Variants in BICC1 observed in about 807,000 individuals in gnomAD.
BICC1 encodes protein bicaudal C homolog 1.
A neutral mutation model predicts 111.0 loss-of-function variants in BICC1; 43 were observed. The observed-to-expected ratio is 0.39, with a 90% CI of 0.30 to 0.50. The LOEUF (loss-of-function observed/expected upper bound fraction) is 0.50, where lower values mean the gene tolerates loss of function less well. BICC1 is among the 20% of genes least tolerant of loss of function. The probability of loss-of-function intolerance (pLI) is 0.88; values close to 1 mark genes in which losing one functional copy is unlikely to be tolerated. For missense variants in BICC1, 1,091 were observed against 1,203.2 expected (o/e 0.91, Z 1.38); for synonymous variants, 467 against 434.4 (o/e 1.07, Z -0.93).
intron 1 of BICC1, among the ~76,000 whole-genome samples, chr10:58,537,359 T>A (rs1333312622): frequency 2.1e-5 from 1 of 46,600 alleles, no homozygotes; most frequent in Admixed American, 4.4e-4. Context: ...AAAAAAAAAA[T>A]CATGATGAAG....
chr10:58,796,419 G>T lies in BICC1; in HGVS notation c.1259G>T (p.Ser420Ile). 2.5e-6 allele frequency: 4 copies of T among 1,614,130 alleles called. No homozygotes were observed. Among genetic ancestry groups the T allele is most frequent in the Non-Finnish European group, 3.4e-6 (4 of 1,180,010 alleles). Residue 420 changes from serine (S) to isoleucine (I), a missense_variant, in exon 10 of 21, where the codon AGT (serine) becomes ATT (isoleucine). Ser to Ile is a moderately radical substitution (Grantham distance 142). This residue lies in a region of BICC1 where 843 missense variants were observed against 900.8 expected (regional missense o/e 0.94). Coordinates refer to ENST00000373886, the MANE Select transcript of BICC1 (RefSeq NM_001080512.3). The part of the protein sequence containing the change: ...ARKCLLGLES[S>I]GVTIATSPSP... ...AAATGTCTCCTCGGACTTGAAAGCAGTGGGGTTACCATAGCAACCAGTCCA... is the reference window on the plus strand; with the variant it reads ...AAATGTCTCCTCGGACTTGAAAGCATTGGGGTTACCATAGCAACCAGTCCA...
At chr10:58,591,947 G>T (rs943761066) in intron 1 of BICC1, among the ~76,000 whole-genome samples, 4 of 152,182 alleles carry the variant, frequency 2.6e-5, no homozygotes, top group African/African-American at 7.2e-5. Flanking sequence ...TTCTCAAGTG[G>T]TGTTGTTTAT....
At chr10:58,704,775 C>T (rs928890235) in intron 3 of BICC1, among the ~76,000 whole-genome samples, 1 of 152,084 alleles carries the variant, frequency 6.6e-6, no homozygotes, top group African/African-American at 2.4e-5. Context: ...ACACATAATC[C>T]CCAGGCTGAG....
At chr10:58,731,001 T>C (rs1241674339) in intron 3 of BICC1, among the ~76,000 whole-genome samples, 1 of 152,198 alleles carries the variant, frequency 6.6e-6, no homozygotes, top group African/African-American at 2.4e-5. Flanking sequence ...TTTTCCAAAC[T>C]TTTATGTTGT....
chr10:58,687,841 T>G (rs945235337), intron 2 of BICC1, among the ~76,000 whole-genome samples: 1 of 152,198 alleles, frequency 6.6e-6, no homozygotes, highest in Non-Finnish European at 1.5e-5. Flanking sequence ...TGCCCCACTC[T>G]GGTCCGTGGG....
intron 2 of BICC1, among the ~76,000 whole-genome samples, chr10:58,688,721 T>C (rs1053507459): frequency 6.6e-6 from 1 of 152,188 alleles, no homozygotes; most frequent in African/African-American, 2.4e-5. Context: ...TGAGTTCATG[T>C]CCTTTGCAGG....
At chr10:58,701,720 T>C (rs1445802540) in intron 2 of BICC1, among the ~76,000 whole-genome samples, 1 of 152,182 alleles carries the variant, frequency 6.6e-6, no homozygotes, top group Non-Finnish European at 1.5e-5. Flanking sequence ...CCTTGGCAAT[T>C]GTCTTGGGGA....
intron 2 of BICC1, among the ~76,000 whole-genome samples, chr10:58,636,556 A>G (rs1266312909): frequency 2.0e-5 from 3 of 152,024 alleles, no homozygotes; most frequent in Non-Finnish European, 1.5e-5. Flanking sequence ...GGATGATGAT[A>G]TGCATTCTTC....
chr10:58,531,215 C>G (rs1019785024), intron 1 of BICC1, among the ~76,000 whole-genome samples: 4 of 151,784 alleles, frequency 2.6e-5, no homozygotes, highest in African/African-American at 9.7e-5. Context: ...CTTTGATTGC[C>G]TGGGGACTGC....
rs74152407 is a variant in BICC1, at chr10:58,620,957, C to G, written c.237+56C>G. 1,604 of 1,503,360 alleles carry G rather than the reference C, an allele frequency of 1.1e-3. 21 individuals are homozygous for G. In the African/African-American group the frequency reaches 0.02, roughly 19 times the overall value. 93.1% of individuals were successfully genotyped at this position (1,503,360 alleles called of 1,614,324 possible). ...TAAGTAAGAGGAAATATACTTATCT[C>G]AACAGCTACCCTAGAAGCCACCGAA... On this transcript the variant is annotated intron_variant, in intron 2 of 20. Coordinates refer to ENST00000373886, the MANE Select transcript of BICC1 (RefSeq NM_001080512.3).
chr10:58,789,692 C>T lies in BICC1; in HGVS notation c.806C>T (p.Ala269Val), dbSNP rs1357226138. 6.2e-7 allele frequency: 1 copy of T among 1,614,104 alleles called. No homozygotes were observed. Among genetic ancestry groups the T allele is most frequent in the Non-Finnish European group, 8.5e-7 (1 of 1,180,004 alleles). Residue 269 changes from alanine (A) to valine (V), a missense_variant, in exon 8 of 21, where the codon GCC (alanine) becomes GTC (valine). Transcript: ENST00000373886. ...NNTSAVKEGT[A>V]MLLEHLAGSL... Reference sequence around the variant, plus strand: ...ACCCTTTTCTCTTAGGAAGGAACTGCCATGCTGTTAGAACATCTTGCTGGG... The same window carrying T: ...ACCCTTTTCTCTTAGGAAGGAACTGTCATGCTGTTAGAACATCTTGCTGGG...
chr10:58,621,501 C>T (rs1845805237), intron 2 of BICC1, among the ~76,000 whole-genome samples: 1 of 136,702 alleles, frequency 7.3e-6, no homozygotes, highest in East Asian at 2.3e-4. Flanking sequence ...GCAGGCTTAG[C>T]AACAAGGGTA....
chr10:58,618,056 G>A (rs1182675368), intron 1 of BICC1, among the ~76,000 whole-genome samples: 3 of 152,228 alleles, frequency 2.0e-5, no homozygotes, highest in South Asian at 2.1e-4. Context: ...CCTCTGCCTA[G>A]GGGGTGGAAT....
intron 2 of BICC1, among the ~76,000 whole-genome samples, chr10:58,625,099 C>T (rs1845947001): frequency 1.3e-5 from 2 of 152,178 alleles, no homozygotes; most frequent in Non-Finnish European, 2.9e-5. Context: ...TCTGACTACA[C>T]TTATAAAAGG....
chr10:58,607,882 T>A (rs1338348624), intron 1 of BICC1, among the ~76,000 whole-genome samples: 2 of 152,136 alleles, frequency 1.3e-5, no homozygotes, highest in Non-Finnish European at 2.9e-5. Context: ...TGGAATATGA[T>A]GCCCTAGAAC....
In BICC1 at chr10:58,796,641, C is replaced by T. The variant is rs1843364163; in HGVS notation, c.1366+115C>T. 3 of 1,002,618 alleles carry T rather than the reference C, an allele frequency of 3.0e-6. No individual in the cohort carries two copies. In the South Asian group the frequency reaches 5.8e-5, roughly 19 times the overall value. The allele number at this position is 1,002,618 out of a possible 1,614,324, so 62.1% of individuals were successfully genotyped here. A position where few individuals can be genotyped will look rare whatever the true frequency, so the allele number is the denominator to read the frequency against. On this transcript the variant is annotated intron_variant, in intron 10 of 20. Coordinates refer to ENST00000373886, the MANE Select transcript of BICC1 (RefSeq NM_001080512.3). Reference sequence around the variant, plus strand: ...AGGCTATTTTTTTTTCCTTTGGGCTCTAAGATCAGATGAAAAGCCATACAA... The same window carrying T: ...AGGCTATTTTTTTTTCCTTTGGGCTTTAAGATCAGATGAAAAGCCATACAA...
intron 19 of BICC1, among the ~76,000 whole-genome samples, chr10:58,819,860 A>T (rs1354294460): frequency 6.6e-6 from 1 of 152,154 alleles, no homozygotes; most frequent in African/African-American, 2.4e-5. Context: ...TAGTTCCTGC[A>T]AATACTTCTT....
intron 3 of BICC1, among the ~76,000 whole-genome samples, chr10:58,733,176 C>G (rs1413509361): frequency 2.6e-5 from 4 of 152,188 alleles, no homozygotes; most frequent in Middle Eastern, 3.4e-3. Flanking sequence ...TTGTAAACAC[C>G]TGTAACTCTA....
intron 1 of BICC1, among the ~76,000 whole-genome samples, chr10:58,543,964 G>A (rs952885731): frequency 4.6e-5 from 7 of 151,960 alleles, no homozygotes; most frequent in Non-Finnish European, 1.0e-4. Context: ...AAAAGGAAGA[G>A]CAAGAGCAAG....
Sources: allele counts gnomAD v4.1 joint callset (sites outside exome capture counted in the v4.1 genomes callset), GRCh38; gene constraint gnomAD v4.1.1; regional missense constraint gnomAD v4.1.1; transcripts MANE v1.5; gene names NCBI Gene and HGNC (gene_info 2026-07-23, HGNC 2026-07-21).